ASCC3: variants seen among roughly 807,000 people sequenced by gnomAD.
The protein encoded by ASCC3 is activating signal cointegrator 1 complex subunit 3, also known as ASC-1 complex subunit P200.
In ASCC3, 158 loss-of-function variants were observed where a neutral mutation model predicts 256.3. That is an observed-to-expected ratio of 0.62 (90% CI 0.54 to 0.70). The LOEUF (loss-of-function observed/expected upper bound fraction) is 0.70, where lower values mean the gene tolerates loss of function less well. ASCC3 is among the 30% of genes least tolerant of loss of function. ASCC3 has a pLI of 0.00. For synonymous variants in ASCC3, 948 were observed against 883.4 expected, an observed-to-expected ratio of 1.07 and a Z score of -1.30; for missense variants, 2,259 against 2,626.0, an observed-to-expected ratio of 0.86 and a Z score of 3.05.
intron 34 of ASCC3, among the ~76,000 whole-genome samples, chr6:100,597,198 C>T (rs1483296778): frequency 6.6e-6 from 1 of 152,074 alleles, no homozygotes; most frequent in Non-Finnish European, 1.5e-5. Flanking sequence ...CTTCCTTATC[C>T]TGTTTTCCTT....
intron 8 of ASCC3, among the ~76,000 whole-genome samples, chr6:100,790,335 T>C (rs750202016): frequency 6.6e-6 from 1 of 151,968 alleles, no homozygotes; most frequent in Non-Finnish European, 1.5e-5. Context: ...CCTAACTGGA[T>C]AGCAAGCTTC....
chr6:100,668,557 C>T (rs1361724580), intron 14 of ASCC3, among the ~76,000 whole-genome samples: 2 of 151,814 alleles, frequency 1.3e-5, no homozygotes, highest in Admixed American at 6.6e-5. Flanking sequence ...AGAAACAGAA[C>T]ACTTAAACTG....
intron 10 of ASCC3, among the ~76,000 whole-genome samples, chr6:100,750,519 AC>A (rs1469388729): frequency 6.9e-6 from 1 of 144,790 alleles, no homozygotes; most frequent in Non-Finnish European, 1.5e-5. Flanking sequence ...CTAGCTACAT[AC>A]CAACATTTGT....
At chr6:100,703,207 T>C (rs758648930) in intron 13 of ASCC3, among the ~76,000 whole-genome samples, 5 of 152,048 alleles carry the variant, frequency 3.3e-5, no homozygotes, top group East Asian at 1.9e-4. Context: ...ACAAAAATAA[T>C]AGAAATTTAA....
intron 8 of ASCC3, among the ~76,000 whole-genome samples, chr6:100,783,166 CA>C (rs1782526068): frequency 6.6e-6 from 1 of 152,056 alleles, no homozygotes; most frequent in South Asian, 2.1e-4. Flanking sequence ...CCTTTAGAAA[CA>C]AAATAGTAAG....
At chr6:100,880,816 T>C (rs918579895) in intron 1 of ASCC3, among the ~76,000 whole-genome samples, 1 of 152,214 alleles carries the variant, frequency 6.6e-6, no homozygotes, top group Non-Finnish European at 1.5e-5. Context: ...TTGGACAATA[T>C]GTAGCTTAGG....
chr6:100,582,191 C>T (rs944873649), intron 36 of ASCC3, among the ~76,000 whole-genome samples: 6 of 152,036 alleles, frequency 3.9e-5, no homozygotes, highest in Non-Finnish European at 8.8e-5. Context: ...TGGCCATTAT[C>T]ATGATATTGA....
rs142892283 is a variant in ASCC3 at position 100,568,839 on chromosome 6, G to A, written c.5550+20795C>T. On this transcript the variant is annotated intron_variant, in intron 36 of 41. Transcript: ENST00000369162. ...GTCGCCCAGGCTGGACTGCAGTGGCGCAATCTCAGCTCACTGCAAGCTCCT... is the reference window on the plus strand; with the variant it reads ...GTCGCCCAGGCTGGACTGCAGTGGCACAATCTCAGCTCACTGCAAGCTCCT... 1.2e-3 allele frequency among the ~76,000 whole-genome samples: 180 copies of A among 150,822 alleles called. 1 individual carries two copies. The highest frequency in any genetic ancestry group is 6.9e-3 in the Middle Eastern group (2 of 290).
Position 100,509,335 on chromosome 6 carries a change from G to C in ASCC3, c.*51C>G, listed in dbSNP as rs79028935. ...AGTAATTCGATTTGTCTAGATGACT[G>C]AACAGAGAGAATTCTTAGCCACTCC... On this transcript the variant is annotated 3_prime_UTR_variant, in exon 42 of 42. Transcript: ENST00000369162. The C allele has an allele frequency of 2.5e-3, 4,072 of 1,607,454 alleles. 90 individuals are homozygous for C. In the African/African-American group the frequency reaches 0.049, roughly 19 times the overall value.
intron 8 of ASCC3, among the ~76,000 whole-genome samples, chr6:100,788,772 G>A (rs1254494312): frequency 1.3e-5 from 2 of 151,918 alleles, no homozygotes; most frequent in Non-Finnish European, 2.9e-5. Context: ...ATTACACAAG[G>A]AATTTTATGA....
intron 4 of ASCC3, among the ~76,000 whole-genome samples, chr6:100,807,248 G>T (rs1206026248): frequency 6.6e-6 from 1 of 151,850 alleles, no homozygotes; most frequent in Non-Finnish European, 1.5e-5. Flanking sequence ...AAGATAACAG[G>T]AAAATGGTCA....
chr6:100,838,343 T>C (rs1044837540), intron 4 of ASCC3, among the ~76,000 whole-genome samples: 1 of 152,042 alleles, frequency 6.6e-6, no homozygotes, highest in Non-Finnish European at 1.5e-5. Flanking sequence ...TAATTATAAA[T>C]AGCAGATAAT....
intron 6 of ASCC3, 52 bp from the exon 7 acceptor site, chr6:100,799,624 G>A: frequency 6.3e-7 from 1 of 1,576,252 alleles, no homozygotes; most frequent in Non-Finnish European, 8.7e-7. Context: ...GAAAGGTAAT[G>A]CATACACCAA....
chr6:100,687,034 T>TCACACACA (rs71028030), intron 13 of ASCC3, among the ~76,000 whole-genome samples: 39 of 130,672 alleles, frequency 3.0e-4, no homozygotes, highest in South Asian at 8.4e-4. Flanking sequence ...TCTCTCTCTC[T>TCACACACA]CACACACACA....
At chr6:100,862,953 C>T (rs1773297154) in intron 3 of ASCC3, among the ~76,000 whole-genome samples, 1 of 152,018 alleles carries the variant, frequency 6.6e-6, no homozygotes, top group African/African-American at 2.4e-5. Flanking sequence ...GTGTGAAGAC[C>T]CAAATCAGGT....
intron 24 of ASCC3, among the ~76,000 whole-genome samples, chr6:100,640,447 A>G (rs1775067563): frequency 6.6e-6 from 1 of 152,160 alleles, no homozygotes; most frequent in Admixed American, 6.5e-5. Flanking sequence ...AATTGTAGTC[A>G]GAACTCAGCT....
At chr6:100,753,543 C>G (rs1459455241) in intron 10 of ASCC3, among the ~76,000 whole-genome samples, 1 of 150,268 alleles carries the variant, frequency 6.7e-6, no homozygotes, top group African/African-American at 2.5e-5. Context: ...AATATGTTGC[C>G]TAAGCTGGAG....
chr6:100,666,970 T>C (rs1017724547), intron 14 of ASCC3, among the ~76,000 whole-genome samples: 1 of 152,172 alleles, frequency 6.6e-6, no homozygotes, highest in African/African-American at 2.4e-5. Flanking sequence ...TTTGGATAAT[T>C]TGCAGACTGG....
At chr6:100,544,663 A>T (rs942906168) in intron 36 of ASCC3, among the ~76,000 whole-genome samples, 4 of 152,186 alleles carry the variant, frequency 2.6e-5, no homozygotes, top group African/African-American at 9.6e-5. Context: ...AAGAAATTCA[A>T]TTTGTAGTAA....
Sources: gnomAD v4.1 joint callset for allele counts (sites outside exome capture counted in the v4.1 genomes callset) on GRCh38, gnomAD v4.1.1 for gene constraint, MANE v1.5 for transcripts, NCBI Gene and HGNC (gene_info 2026-07-23, HGNC 2026-07-21) for gene names.